The following IQGAP2 variants were observed in gnomAD, a reference collection of about 807,000 sequenced individuals.
IQGAP2 encodes the protein ras GTPase-activating-like protein IQGAP2.
Under a neutral mutation model 201.3 loss-of-function variants are expected in IQGAP2, and 173 were observed. That is an observed-to-expected ratio of 0.86 (90% CI 0.76 to 0.98). The LOEUF (loss-of-function observed/expected upper bound fraction) is 0.98. Ranked by LOEUF, IQGAP2 falls within the 50% of genes least tolerant of loss-of-function variation. IQGAP2 has a pLI of 0.00. For synonymous variants in IQGAP2, 675 were observed against 673.9 expected (o/e 1.00, Z -0.03); for missense variants, 1,687 against 1,864.8 (o/e 0.90, Z 1.76).
At chr5:76,636,155 G>C (rs1426650938) in intron 15 of IQGAP2, among the ~76,000 whole-genome samples, 3 of 152,228 alleles carry the variant, frequency 2.0e-5, no homozygotes, top group Non-Finnish European at 4.4e-5. Context: ...AAATTCACTT[G>C]AACTCTGATT....
intron 2 of IQGAP2, among the ~76,000 whole-genome samples, chr5:76,485,443 A>G (rs1756064636): frequency 6.6e-6 from 1 of 152,200 alleles, no homozygotes; most frequent in Non-Finnish European, 1.5e-5. Context: ...TTTAATTGCA[A>G]TAGCGAGTAA....
intron 17 of IQGAP2, among the ~76,000 whole-genome samples, chr5:76,647,842 C>T (rs538387628): frequency 2.7e-4 from 41 of 151,766 alleles, no homozygotes; most frequent in Non-Finnish European, 5.3e-4. Context: ...CACACACACA[C>T]ACACACACAA....
Position 76,461,621 on chromosome 5 carries a change from G to A in IQGAP2, c.98G>A (p.Arg33Gln), listed in dbSNP as rs369302838. ...LSAEEMDERRRQNIAYEYLCH... is the reference protein window; with the variant it reads ...LSAEEMDERRQQNIAYEYLCH... ...GCAGAGGAGATGGATGAGAGGAGGC[G>A]GCAGAACATTGCTTATGAATATCTG... Residue 33 changes from arginine (R) to glutamine (Q), a missense_variant, in exon 2 of 36, where the codon CGG (arginine) becomes CAG (glutamine). Arg to Gln is a conservative substitution (Grantham distance 43). Transcript: ENST00000274364. The A allele has an allele frequency of 5.1e-5, 82 of 1,613,948 alleles. No individual in the cohort carries two copies. The highest frequency in any genetic ancestry group is 3.6e-4 in the South Asian group (33 of 91,062).
Position 76,674,477 on chromosome 5 carries a change from A to G in IQGAP2, c.3295A>G (p.Ile1099Val). ...PDATEDELLK[I>V]VGNLLYYRYM... ...GTCATGCACTTCTGCGTCACTCCAG[A>G]TTGTTGGAAACCTCCTGTACTATCG... Residue 1099 changes from isoleucine to valine, a missense_variant and splice_region_variant, in exon 27 of 36, where the codon ATT (isoleucine) becomes GTT (valine). Transcript: ENST00000274364. The G allele has an allele frequency of 6.2e-7, 1 of 1,605,628 alleles. No homozygotes were observed.
chr5:76,585,322 T>C (rs1746167146), intron 5 of IQGAP2, among the ~76,000 whole-genome samples: 1 of 152,220 alleles, frequency 6.6e-6, no homozygotes, highest in Non-Finnish European at 1.5e-5. Context: ...ATTTTATGGA[T>C]GTCTGCTTAC....
In IQGAP2 at chr5:76,683,890, C is replaced by G; in HGVS notation, c.3878C>G (p.Ala1293Gly). 5.0e-6 allele frequency: 8 copies of G among 1,612,464 alleles called. No homozygotes were observed. Among genetic ancestry groups the G allele is most frequent in the Non-Finnish European group, 6.8e-6 (8 of 1,179,242 alleles). Residue 1293 changes from alanine (A) to glycine (G), a missense_variant, in exon 30 of 36, where the codon GCT becomes GGT. By Grantham distance (60) the Ala-to-Gly change is moderately conservative. Coordinates refer to ENST00000274364, the MANE Select transcript of IQGAP2 (RefSeq NM_006633.5). ...TSKYDIEDGE[A>G]IDSRSLMIKT... ...AAATATGACATAGAGGACGGTGAAG[C>G]TATAGATAGCCGAAGCCTCATGATA...
At chr5:76,490,061 C>A (rs1756443802) in intron 2 of IQGAP2, among the ~76,000 whole-genome samples, 1 of 152,170 alleles carries the variant, frequency 6.6e-6, no homozygotes, top group Non-Finnish European at 1.5e-5. Flanking sequence ...ATTGAGAGTG[C>A]CGGTTGGAAA....
chr5:76,648,242 T>A (rs1048478512), intron 17 of IQGAP2, among the ~76,000 whole-genome samples: 6 of 152,158 alleles, frequency 3.9e-5, no homozygotes, highest in Non-Finnish European at 2.9e-5. Context: ...GTCCCAAGAT[T>A]CACTAGCCTC....
intron 2 of IQGAP2, among the ~76,000 whole-genome samples, chr5:76,533,404 G>C (rs1759431563): frequency 6.6e-6 from 1 of 151,970 alleles, no homozygotes; most frequent in South Asian, 2.1e-4. Context: ...CCAGGCTTTT[G>C]AAGGAAAAAG....
At chr5:76,619,726 G>T (rs933054633) in intron 13 of IQGAP2, among the ~76,000 whole-genome samples, 1 of 151,962 alleles carries the variant, frequency 6.6e-6, no homozygotes, top group Non-Finnish European at 1.5e-5. Flanking sequence ...CACCATGTTA[G>T]CCAGGATGGT....
chr5:76,452,056 C>A (rs185608277), intron 1 of IQGAP2, among the ~76,000 whole-genome samples: 3 of 151,540 alleles, frequency 2.0e-5, no homozygotes, highest in African/African-American at 7.3e-5. Flanking sequence ...AAAATTTAAT[C>A]TCTTGTTATT....
chr5:76,466,984 C>G (rs1255497946), intron 2 of IQGAP2, among the ~76,000 whole-genome samples: 1 of 152,198 alleles, frequency 6.6e-6, no homozygotes, highest in African/African-American at 2.4e-5. Context: ...GGTGAGGTGG[C>G]TCACACCTGT....
chr5:76,595,509 A>T (rs1746965246), intron 9 of IQGAP2, among the ~76,000 whole-genome samples: 1 of 152,008 alleles, frequency 6.6e-6, no homozygotes, highest in African/African-American at 2.4e-5. Flanking sequence ...CCTGTAATCT[A>T]GCACTTTGGG....
intron 20 of IQGAP2, 149 bp from the exon 21 acceptor site, chr5:76,658,310 T>G: frequency 1.5e-6 from 1 of 679,440 alleles, no homozygotes. Flanking sequence ...GATTTTAAAT[T>G]GTGTGGGGGT....
Position 76,707,625 on chromosome 5 carries a change from C to A in IQGAP2, c.*312C>A. 1 of 221,980 alleles carries A rather than the reference C, an allele frequency of 4.5e-6. No homozygotes were observed. The highest frequency in any genetic ancestry group is 1.2e-4 in the South Asian group (1 of 8,424). 13.8% of individuals were successfully genotyped at this position (221,980 alleles called of 1,614,324 possible). ...GGTGGGAAATTTAGCTGACTAGGGA[C>A]AAACATGTAAACCTATTTTCCTATG... On this transcript the variant is annotated 3_prime_UTR_variant, in exon 36 of 36. Transcript: ENST00000274364.
intron 16 of IQGAP2, among the ~76,000 whole-genome samples, chr5:76,639,053 G>A (rs1350838900): frequency 6.6e-6 from 1 of 152,042 alleles, no homozygotes; most frequent in Non-Finnish European, 1.5e-5. Context: ...AACTGCGAAT[G>A]AGGTCTCCTG....
chr5:76,497,030 G>A (rs1379961790), intron 2 of IQGAP2, among the ~76,000 whole-genome samples: 4 of 151,788 alleles, frequency 2.6e-5, no homozygotes, highest in Admixed American at 6.6e-5. Flanking sequence ...GGGTTTTACC[G>A]TGTTGGTCAG....
chr5:76,684,600 A>G (rs1328241538), intron 30 of IQGAP2, among the ~76,000 whole-genome samples: 1 of 152,238 alleles, frequency 6.6e-6, no homozygotes, highest in Non-Finnish European at 1.5e-5. Context: ...AAGAACTTAT[A>G]CAAACCCAAG....
At chr5:76,534,240 C>A (rs1487766729) in intron 2 of IQGAP2, among the ~76,000 whole-genome samples, 1 of 152,154 alleles carries the variant, frequency 6.6e-6, no homozygotes, top group African/African-American at 2.4e-5. Context: ...TAAGGGTAGT[C>A]AAAGGGCTAA....
Sources: allele counts gnomAD v4.1 joint callset (sites outside exome capture counted in the v4.1 genomes callset), GRCh38; gene constraint gnomAD v4.1.1; transcripts MANE v1.5; gene names NCBI Gene and HGNC (gene_info 2026-07-23, HGNC 2026-07-21).